PTPRT: variants seen among roughly 807,000 people sequenced by gnomAD.
PTPRT encodes receptor-type tyrosine-protein phosphatase T.
In PTPRT, 56 loss-of-function variants were observed where a neutral mutation model predicts 176.8. The ratio of observed to expected loss-of-function variants is 0.32; its 90% CI spans 0.26 to 0.40. The LOEUF is 0.40. Ranked by LOEUF, PTPRT falls within the 10% of genes least tolerant of loss-of-function variation. The pLI, the probability that PTPRT is intolerant of heterozygous loss-of-function variation, is 1.00. For missense variants in PTPRT, 1,540 were observed against 1,908.2 expected, an observed-to-expected ratio of 0.81 and a Z score of 3.60; for synonymous variants, 783 against 739.0, an observed-to-expected ratio of 1.06 and a Z score of -0.96.
At position 42,677,360 on chromosome 20, in the gene PTPRT, C is replaced by T. The variant is rs189353242; in HGVS notation, c.1153+506G>A. Among the ~76,000 whole-genome samples, 25 of 152,122 alleles carry T rather than the reference C, an allele frequency of 1.6e-4. No homozygotes were observed. The East Asian group carries it at 4.3e-3, about 26-fold the overall frequency. ...CCCCAAGGACATAGTCTAAATGAAG[C>T]GTTCACGGGGCACAGTGAGAGCCAG... On this transcript the variant is annotated intron_variant, in intron 7 of 30. Transcript: ENST00000373187.
intron 18 of PTPRT, 118 bp downstream of exon 18, chr20:42,141,797 C>A (rs1339183009): frequency 3.0e-6 from 3 of 983,978 alleles, no homozygotes; most frequent in African/African-American, 3.2e-5. Context: ...CATGTAGATA[C>A]AAAGCTAGAG....
At chr20:42,429,306 T>C (rs917860341) in intron 9 of PTPRT, among the ~76,000 whole-genome samples, 2 of 152,136 alleles carry the variant, frequency 1.3e-5, no homozygotes, top group Non-Finnish European at 2.9e-5. Flanking sequence ...CTAAAGGCAC[T>C]ATTTACAACC....
chr20:43,072,957 A>T (rs2011200457), intron 1 of PTPRT, among the ~76,000 whole-genome samples: 1 of 152,196 alleles, frequency 6.6e-6, no homozygotes, highest in Non-Finnish European at 1.5e-5. Flanking sequence ...CCTTTACCAT[A>T]AGATCAAGGC....
At chr20:42,562,961 A>G (rs1356119020) in intron 7 of PTPRT, among the ~76,000 whole-genome samples, 1 of 152,192 alleles carries the variant, frequency 6.6e-6, no homozygotes, top group East Asian at 1.9e-4. Flanking sequence ...AAAACAATAA[A>G]AGTGCTAGAA....
intron 7 of PTPRT, among the ~76,000 whole-genome samples, chr20:42,488,890 G>A (rs992633450): frequency 1.3e-5 from 2 of 151,450 alleles, no homozygotes; most frequent in African/African-American, 4.9e-5. Flanking sequence ...CTTGAACCTA[G>A]GAGGTGGAGG....
At chr20:42,452,972 C>A (rs1373734027) in intron 8 of PTPRT, among the ~76,000 whole-genome samples, 1 of 152,138 alleles carries the variant, frequency 6.6e-6, no homozygotes, top group Non-Finnish European at 1.5e-5. Context: ...TGCCATCTTA[C>A]TACCATATTA....
intron 1 of PTPRT, among the ~76,000 whole-genome samples, chr20:42,921,296 C>A (rs1292213284): frequency 6.6e-6 from 1 of 152,086 alleles, no homozygotes; most frequent in African/African-American, 2.4e-5. Flanking sequence ...AAAGCAAGAC[C>A]ATCACTTGAG....
intron 7 of PTPRT, among the ~76,000 whole-genome samples, chr20:42,629,975 C>T (rs1351754274): frequency 6.6e-6 from 1 of 152,140 alleles, no homozygotes; most frequent in Non-Finnish European, 1.5e-5. Context: ...GCATCCCAAC[C>T]CCTGAGACCT....
intron 1 of PTPRT, among the ~76,000 whole-genome samples, chr20:42,976,008 T>A (rs893646383): frequency 2.0e-5 from 3 of 146,728 alleles, no homozygotes; most frequent in African/African-American, 8.2e-5. Context: ...CCTTTACACA[T>A]GAAATCCCTG....
intron 2 of PTPRT, among the ~76,000 whole-genome samples, chr20:42,857,599 G>A (rs2078588125): frequency 6.6e-6 from 1 of 152,150 alleles, no homozygotes; most frequent in Admixed American, 6.5e-5. Flanking sequence ...CTGGAGCTCA[G>A]CGACTGCTAA....
Position 42,078,778 on chromosome 20 carries a change from T to A in PTPRT, c.*2101A>T, listed in dbSNP as rs1248958391. 1 of 175,904 alleles carries A rather than the reference T, an allele frequency of 5.7e-6. No individual in the cohort carries two copies. Among genetic ancestry groups the A allele is most frequent in the Non-Finnish European group, 1.2e-5 (1 of 81,674 alleles). 10.9% of individuals were successfully genotyped at this position (175,904 alleles called of 1,614,324 possible). A position where few individuals can be genotyped will look rare whatever the true frequency, so the allele number is the denominator to read the frequency against. ...TCACATTTCTTTGCCATTGCACATA[T>A]GGATCCCTTTGCCTGAGTTTCCTTT... On this transcript the variant is annotated 3_prime_UTR_variant, in exon 31 of 31. Transcript: ENST00000373187.
intron 7 of PTPRT, among the ~76,000 whole-genome samples, chr20:42,593,780 A>T (rs1297472607): frequency 6.6e-6 from 1 of 152,190 alleles, no homozygotes; most frequent in Admixed American, 6.5e-5. Context: ...CTGTTTCCTA[A>T]TCTGTGGGAT....
At chr20:42,368,566 C>T (rs538407852) in intron 9 of PTPRT, among the ~76,000 whole-genome samples, 2 of 152,270 alleles carry the variant, frequency 1.3e-5, no homozygotes, top group South Asian at 2.1e-4. Context: ...ACTCTAGGCT[C>T]TTATTAAGAT....
At chr20:42,851,839 T>C (rs2078477450) in intron 2 of PTPRT, among the ~76,000 whole-genome samples, 1 of 152,218 alleles carries the variant, frequency 6.6e-6, no homozygotes, top group South Asian at 2.1e-4. Context: ...ACACCATAGT[T>C]TGCAATCTAT....
chr20:42,445,666 C>T (rs1027959163), intron 9 of PTPRT, among the ~76,000 whole-genome samples: 1 of 152,222 alleles, frequency 6.6e-6, no homozygotes, highest in Non-Finnish European at 1.5e-5. Flanking sequence ...AGTTACAATA[C>T]TCTGGTTCCG....
intron 9 of PTPRT, among the ~76,000 whole-genome samples, chr20:42,434,124 A>G (rs1249593413): frequency 3.3e-5 from 5 of 152,218 alleles, no homozygotes; most frequent in African/African-American, 4.8e-5. Flanking sequence ...ATGCACAAGA[A>G]CTAGAAAGAA....
At chr20:42,874,577 T>C (rs776682999) in intron 2 of PTPRT, among the ~76,000 whole-genome samples, 3 of 152,216 alleles carry the variant, frequency 2.0e-5, no homozygotes, top group Non-Finnish European at 4.4e-5. Flanking sequence ...TCATAAAATA[T>C]TAATTGAAAA....
intron 2 of PTPRT, among the ~76,000 whole-genome samples, chr20:42,794,012 T>C (rs2077415995): frequency 6.6e-6 from 1 of 152,182 alleles, no homozygotes; most frequent in Non-Finnish European, 1.5e-5. Flanking sequence ...TACCCTTGGC[T>C]CCTTACAATC....
intron 1 of PTPRT, among the ~76,000 whole-genome samples, chr20:43,136,919 G>A (rs776694073): frequency 2.6e-4 from 39 of 152,132 alleles, no homozygotes; most frequent in Non-Finnish European, 4.7e-4. Context: ...GCCTTCCCCA[G>A]GGTCCCCAGC....
Sources: gnomAD v4.1 joint callset for allele counts (sites outside exome capture counted in the v4.1 genomes callset) on GRCh38, gnomAD v4.1.1 for gene constraint, MANE v1.5 for transcripts, NCBI Gene and HGNC (gene_info 2026-07-23, HGNC 2026-07-21) for gene names.